The following DMD variants were observed in gnomAD, a reference collection of about 807,000 sequenced individuals.
DMD encodes dystrophin.
In DMD, 63 loss-of-function variants were observed where a neutral mutation model predicts 330.1. The ratio of observed to expected loss-of-function variants is 0.19; its 90% confidence interval spans 0.16 to 0.24. DMD has a LOEUF of 0.24. Among genes scored for constraint, DMD ranks in the 10% least tolerant of loss-of-function variants. The pLI is 1.00. For synonymous variants in DMD, 1,223 were observed against 959.8 expected (o/e 1.27, Z -5.07); for missense variants, 3,344 against 2,684.1 (o/e 1.25, Z -5.43).
At chrX:31,520,229 A>G (rs927641622) in intron 55 of DMD, among the ~76,000 whole-genome samples, 1 of 111,853 alleles carries the variant, frequency 8.9e-6, no homozygotes, top group African/African-American at 3.2e-5. Flanking sequence ...AATCTCATCT[A>G]GAACTGTAAT....
At chrX:32,474,026 T>G (rs1603634345) in intron 21 of DMD, among the ~76,000 whole-genome samples, 1 of 110,738 alleles carries the variant, frequency 9.0e-6, no homozygotes, top group East Asian at 2.8e-4. Flanking sequence ...ATCATTCTAA[T>G]GCCTGTGTGT....
At chrX:31,791,796 C>T (rs2091584008) in intron 50 of DMD, among the ~76,000 whole-genome samples, 2 of 111,705 alleles carry the variant, frequency 1.8e-5, no homozygotes, top group African/African-American at 6.5e-5. Flanking sequence ...CTAGTTAACC[C>T]ATACAGTCTT....
intron 63 of DMD, among the ~76,000 whole-genome samples, chrX:31,259,466 C>T (rs1408985735): frequency 9.0e-6 from 1 of 111,585 alleles, no homozygotes; most frequent in African/African-American, 3.3e-5. Context: ...ATAAACAGTC[C>T]ACAATTATAA....
At chrX:31,766,087 A>G (rs779098341) in intron 51 of DMD, among the ~76,000 whole-genome samples, 2 of 111,338 alleles carry the variant, frequency 1.8e-5, no homozygotes, top group South Asian at 7.6e-4. Context: ...TTAGGGAACA[A>G]TAACATTATA....
intron 27 of DMD, among the ~76,000 whole-genome samples, chrX:32,444,716 G>A (rs936762317): frequency 3.6e-5 from 4 of 111,046 alleles, no homozygotes; most frequent in African/African-American, 1.3e-4. Flanking sequence ...TTTAAACAGA[G>A]AGAGCTGACG....
chrX:31,525,173 T>C (rs1473035602), intron 55 of DMD, among the ~76,000 whole-genome samples: 1 of 111,746 alleles, frequency 8.9e-6, no homozygotes, highest in Non-Finnish European at 1.9e-5. Context: ...TATTAACACA[T>C]GGGGCGAATA....
Position 32,076,895 on chromosome X carries a change from A to G in DMD, c.6439-108381T>C, listed in dbSNP as rs772474922. On this transcript the variant is annotated intron_variant, in intron 44 of 78. Coordinates refer to ENST00000357033, the MANE Select transcript of DMD (RefSeq NM_004006.3). ...CTAAGACTGATATAGAATATCTACCAAGAAATAGAGTAGGGAAGAGCAGGA... is the reference window on the plus strand; with the variant it reads ...CTAAGACTGATATAGAATATCTACCGAGAAATAGAGTAGGGAAGAGCAGGA... 4.5e-5 allele frequency among the ~76,000 whole-genome samples: 5 copies of G among 111,398 alleles called. No individual in the cohort carries two copies. In the East Asian group the frequency reaches 1.4e-3, roughly 31 times the overall value.
At chrX:32,750,682 G>A (rs1432944301) in intron 7 of DMD, among the ~76,000 whole-genome samples, 2 of 110,789 alleles carry the variant, frequency 1.8e-5, no homozygotes, top group Non-Finnish European at 3.8e-5. Flanking sequence ...AATCCTTGCA[G>A]TGGATTGAGA....
chrX:32,363,335 T>G (rs1251666585), intron 36 of DMD, among the ~76,000 whole-genome samples: 1 of 112,038 alleles, frequency 8.9e-6, no homozygotes, highest in Non-Finnish European at 1.9e-5. Flanking sequence ...CTGAATTTAA[T>G]AGTTGTGGAA....
chrX:31,252,527 T>C (rs1323648791), intron 63 of DMD, among the ~76,000 whole-genome samples: 12 of 111,289 alleles, frequency 1.1e-4, no homozygotes, highest in Non-Finnish European at 2.3e-4. Context: ...ACCGGTATGG[T>C]AGCATTATTT....
chrX:32,161,805 A>T (rs2096850235), intron 44 of DMD, among the ~76,000 whole-genome samples: 2 of 112,073 alleles, frequency 1.8e-5, no homozygotes, highest in South Asian at 7.5e-4. Context: ...CTTGCTTGAG[A>T]TGACTGATAT....
At chrX:33,205,799 T>C (rs1235614815) in intron 1 of DMD, among the ~76,000 whole-genome samples, 4 of 112,072 alleles carry the variant, frequency 3.6e-5, no homozygotes, top group Non-Finnish European at 7.5e-5. Flanking sequence ...AATCAAAATT[T>C]TCATGATAGT....
At chrX:32,233,401 G>A (rs1479412227) in intron 43 of DMD, among the ~76,000 whole-genome samples, 1 of 110,876 alleles carries the variant, frequency 9.0e-6, no homozygotes, top group Non-Finnish European at 1.9e-5. Context: ...TGGGCAAGAT[G>A]TACTAGATCA....
intron 57 of DMD, among the ~76,000 whole-genome samples, chrX:31,479,719 C>T (rs183799226): frequency 8.9e-6 from 1 of 112,176 alleles, no homozygotes; most frequent in Non-Finnish European, 1.9e-5. Context: ...GTAGGAATTG[C>T]GGACACTAGT....
At chrX:31,962,157 G>A (rs1471015957) in intron 45 of DMD, among the ~76,000 whole-genome samples, 1 of 111,311 alleles carries the variant, frequency 9.0e-6, no homozygotes, top group African/African-American at 3.3e-5. Context: ...AAGGAGAATA[G>A]CAACTATTTC....
intron 1 of DMD, among the ~76,000 whole-genome samples, chrX:33,147,009 A>G (rs2048067307): frequency 9.1e-6 from 1 of 109,918 alleles, no homozygotes; most frequent in African/African-American, 3.3e-5. Flanking sequence ...TTTTTAGTAG[A>G]GACGGGGTTT....
At chrX:32,718,514 T>G (rs888807123) in intron 7 of DMD, among the ~76,000 whole-genome samples, 3 of 111,846 alleles carry the variant, frequency 2.7e-5, no homozygotes, top group African/African-American at 9.8e-5. Flanking sequence ...CAGGTAGTTG[T>G]TTATAGCAAT....
intron 2 of DMD, among the ~76,000 whole-genome samples, chrX:32,873,891 A>G (rs935997784): frequency 8.9e-6 from 1 of 112,421 alleles, no homozygotes; most frequent in Non-Finnish European, 1.9e-5. Context: ...GAACCTAACA[A>G]GTCCTTTGCA....
At chrX:32,772,745 T>C (rs2073743771) in intron 7 of DMD, among the ~76,000 whole-genome samples, 1 of 111,712 alleles carries the variant, frequency 9.0e-6, no homozygotes, top group Non-Finnish European at 1.9e-5. Context: ...TAGGATGTAA[T>C]ATAGGATGAT....
Sources: gnomAD v4.1 joint callset for allele counts (sites outside exome capture counted in the v4.1 genomes callset) on GRCh38, gnomAD v4.1.1 for gene constraint, MANE v1.5 for transcripts, NCBI Gene and HGNC (gene_info 2026-07-23, HGNC 2026-07-21) for gene names.